Variants in LRRC37A2 observed in about 807,000 individuals in gnomAD.
LRRC37A2 encodes leucine-rich repeat-containing protein 37A2.
In LRRC37A2, 9 loss-of-function variants were observed where a neutral mutation model predicts 68.8. That is an observed-to-expected ratio of 0.13 (90% confidence interval 0.08 to 0.23). The LOEUF is 0.23. Ranked by LOEUF, LRRC37A2 falls within the 10% of genes least tolerant of loss-of-function variation. The pLI is 1.00. For missense variants in LRRC37A2, 168 were observed against 950.4 expected (o/e 0.18, Z 10.82); for synonymous variants, 63 against 367.6 (o/e 0.17, Z 9.48).
the LRRC37A2 span, among the ~76,000 whole-genome samples, chr17:47,032,818 C>T: frequency 1.3e-5 from 2 of 152,154 alleles, no homozygotes; most frequent in South Asian, 4.2e-4. Flanking sequence ...AGTGACAGAG[C>T]CAGAATTCAA....
chr17:46,558,320 A>G (rs1306101083), downstream of LRRC37A2, among the ~76,000 whole-genome samples: 3 of 110,056 alleles, frequency 2.7e-5, no homozygotes, highest in Non-Finnish European at 5.4e-5. Flanking sequence ...CTGGCCTCCC[A>G]AAGGGCTGAG....
the LRRC37A2 span, among the ~76,000 whole-genome samples, chr17:46,693,511 T>TG: frequency 1.3e-5 from 2 of 149,190 alleles, no homozygotes; most frequent in Admixed American, 6.7e-5. Flanking sequence ...AGATGACTTC[T>TG]GGGGGAAAAA....
chr17:47,019,288 C>T, the LRRC37A2 span: 1 of 1,600,370 alleles, frequency 6.2e-7, no homozygotes, highest in Non-Finnish European at 8.5e-7. Context: ...CCTGAGGTGA[C>T]ACTTCCACCT....
chr17:46,526,391 C>CA (rs1024611502), intron 6 of LRRC37A2, among the ~76,000 whole-genome samples: 2 of 100,872 alleles, frequency 2.0e-5, no homozygotes, highest in African/African-American at 7.9e-5. Context: ...AAAAAACAAA[C>CA]AAAAAAAGAG....
At chr17:46,778,358 A>T in the LRRC37A2 span, among the ~76,000 whole-genome samples, 3 of 152,218 alleles carry the variant, frequency 2.0e-5, no homozygotes, top group Non-Finnish European at 2.9e-5. Flanking sequence ...GGACATTTTC[A>T]GGATGCTCCA....
At chr17:46,761,685 G>A in the LRRC37A2 span, among the ~76,000 whole-genome samples, 1 of 152,134 alleles carries the variant, frequency 6.6e-6, no homozygotes, top group Non-Finnish European at 1.5e-5. Context: ...CCTAAATGAG[G>A]TAGGTCAGGA....
the LRRC37A2 span, among the ~76,000 whole-genome samples, chr17:46,666,114 G>A: frequency 6.6e-6 from 1 of 151,214 alleles, no homozygotes; most frequent in East Asian, 1.9e-4. Context: ...GATGAGAGTA[G>A]TTGCAATTGG....
the LRRC37A2 span, among the ~76,000 whole-genome samples, chr17:46,877,301 G>A: frequency 2.0e-5 from 3 of 152,242 alleles, no homozygotes; most frequent in Admixed American, 1.3e-4. Flanking sequence ...GAAGCCATCC[G>A]TTCAGAGAAA....
At chr17:46,778,401 G>A in the LRRC37A2 span, among the ~76,000 whole-genome samples, 1 of 152,162 alleles carries the variant, frequency 6.6e-6, no homozygotes, top group Non-Finnish European at 1.5e-5. Context: ...GGGTCATCCT[G>A]CGAGTAATTA....
the LRRC37A2 span, chr17:46,939,595 T>A: frequency 1.0e-6 from 1 of 985,428 alleles, no homozygotes; most frequent in South Asian, 4.7e-5. Context: ...ATTTTCCAAT[T>A]ACAGTCTCAG....
chr17:46,818,206 G>A, the LRRC37A2 span, among the ~76,000 whole-genome samples: 1 of 152,090 alleles, frequency 6.6e-6, no homozygotes, highest in African/African-American at 2.4e-5. Context: ...AGCAAATGGG[G>A]GGTCTTCGGG....
the LRRC37A2 span, chr17:46,978,937 G>C: frequency 6.9e-7 from 1 of 1,455,764 alleles, no homozygotes; most frequent in Non-Finnish European, 9.0e-7. Flanking sequence ...GTTTCCCAGG[G>C]CGGCCCCGGC....
the LRRC37A2 span, among the ~76,000 whole-genome samples, chr17:46,840,375 G>A: frequency 2.0e-5 from 3 of 152,130 alleles, no homozygotes; most frequent in South Asian, 2.1e-4. Flanking sequence ...CGCGAGCCAC[G>A]GTGCCCAGCC....
chr17:46,609,719 T>C, the LRRC37A2 span, among the ~76,000 whole-genome samples: 1 of 147,884 alleles, frequency 6.8e-6, no homozygotes, highest in African/African-American at 2.5e-5. Context: ...GTATCAACAA[T>C]TTAGATAAGT....
chr17:46,750,567 C>T, the LRRC37A2 span, among the ~76,000 whole-genome samples: 3 of 152,052 alleles, frequency 2.0e-5, no homozygotes, highest in Non-Finnish European at 4.4e-5. Context: ...CAACCTGTAC[C>T]TCCAGTTGTT....
chr17:46,990,213 G>T, the LRRC37A2 span, among the ~76,000 whole-genome samples: 1 of 152,174 alleles, frequency 6.6e-6, no homozygotes, highest in Non-Finnish European at 1.5e-5. Context: ...AGACACAGAA[G>T]AGTCAAAACA....
At chr17:46,809,259 G>A in the LRRC37A2 span, among the ~76,000 whole-genome samples, 1 of 152,196 alleles carries the variant, frequency 6.6e-6, no homozygotes, top group Non-Finnish European at 1.5e-5. Context: ...ACCTTGTGAA[G>A]ATGATTGGTG....
chr17:46,994,310 CG>C, the LRRC37A2 span, among the ~76,000 whole-genome samples: 1 of 151,238 alleles, frequency 6.6e-6, no homozygotes, highest in African/African-American at 2.4e-5. Flanking sequence ...ACTTGAGCCC[CG>C]GAGGCGAACG....
chr17:47,020,806 A>AAAAAAAAAAAT, the LRRC37A2 span, among the ~76,000 whole-genome samples: 3 of 131,196 alleles, frequency 2.3e-5, no homozygotes, highest in Admixed American at 8.0e-5. Flanking sequence ...AAAAAAAAAA[A>AAAAAAAAAAAT]TAGGAGGGAA....
Sources: allele counts gnomAD v4.1 joint callset (sites outside exome capture counted in the v4.1 genomes callset), GRCh38; gene constraint gnomAD v4.1.1; transcripts MANE v1.5; gene names NCBI Gene and HGNC (gene_info 2026-07-23, HGNC 2026-07-21).